The following COMMD10 variants were observed in gnomAD, a reference collection of about 807,000 sequenced individuals.
The protein encoded by COMMD10 is COMM domain-containing protein 10.
Under a neutral mutation model 28.9 loss-of-function variants are expected in COMMD10, and 33 were observed. That is an observed-to-expected ratio of 1.14 (90% CI 0.87 to 1.53). COMMD10 has a LOEUF of 1.53. COMMD10 is among the 40% of genes most tolerant of loss of function. COMMD10 has a pLI of 0.00. For missense variants in COMMD10, 310 were observed against 233.4 expected, an observed-to-expected ratio of 1.33 and a Z score of -2.14; for synonymous variants, 110 against 81.7, an observed-to-expected ratio of 1.35 and a Z score of -1.87.
intron 5 of COMMD10, among the ~76,000 whole-genome samples, chr5:116,182,983 TCTC>T (rs1748021233): frequency 6.6e-6 from 1 of 152,102 alleles, no homozygotes; most frequent in South Asian, 2.1e-4. Context: ...GGTGCCTGCT[TCTC>T]CTTTGCCTTC....
At chr5:116,140,462 C>G (rs1752164359) in intron 5 of COMMD10, among the ~76,000 whole-genome samples, 1 of 151,502 alleles carries the variant, frequency 6.6e-6, no homozygotes, top group African/African-American at 2.4e-5. Context: ...CAGGAGATTC[C>G]TGGTAGTTCT....
chr5:116,250,196 T>C (rs1580582534), intron 5 of COMMD10, among the ~76,000 whole-genome samples: 2 of 151,768 alleles, frequency 1.3e-5, no homozygotes, highest in Admixed American at 6.6e-5. Flanking sequence ...ACATTTTTTA[T>C]CTTTTAGTTT....
Position 116,270,620 on chromosome 5 carries a change from A to G in COMMD10, c.511-20897A>G, listed in dbSNP as rs187624540. Among the ~76,000 whole-genome samples, 893 of 151,938 alleles carry G rather than the reference A, an allele frequency of 5.9e-3. 28 individuals are homozygous for G. Among genetic ancestry groups the G allele is most frequent in the African/African-American group, 0.02 (827 of 41,274 alleles). On this transcript the variant is annotated intron_variant, in intron 5 of 6. Coordinates refer to ENST00000274458, the MANE Select transcript of COMMD10 (RefSeq NM_016144.4). The stretch of plus-strand genomic sequence containing the variant: ...AACAGGGATGCTGCTGCTTTGTATA[A>G]TCATTCCCATTATATAAAGGTTATA...
chr5:116,188,702 T>A (rs1411518007), intron 5 of COMMD10: 3 of 147,884 alleles, frequency 2.0e-5, no homozygotes, highest in Non-Finnish European at 4.4e-5. Flanking sequence ...TGGCACGATC[T>A]TGGCTCAGCT....
intron 5 of COMMD10, among the ~76,000 whole-genome samples, chr5:116,136,630 A>G (rs1000179969): frequency 2.0e-5 from 3 of 150,482 alleles, no homozygotes; most frequent in African/African-American, 5.0e-5. Flanking sequence ...TTCTAGTAAG[A>G]CAGCCATGTT....
intron 5 of COMMD10, among the ~76,000 whole-genome samples, chr5:116,217,545 T>C (rs1489120245): frequency 6.6e-6 from 1 of 152,186 alleles, no homozygotes; most frequent in African/African-American, 2.4e-5. Context: ...CCACTGCTCT[T>C]TTGACAGGTG....
Position 116,293,238 on chromosome 5 carries a change from C to G in COMMD10, c.*749C>G. 1 of 371,560 alleles carries G rather than the reference C, an allele frequency of 2.7e-6. No individual in the cohort carries two copies. Among genetic ancestry groups the G allele is most frequent in the Admixed American group, 4.5e-5 (1 of 22,020 alleles). The allele number at this position is 371,560 out of a possible 1,614,324, so 23.0% of individuals were successfully genotyped here. ...TCGAATCAGATACCTTTTATATTCT[C>G]TTTCCATAAATACGTTGATTTCTGT... On this transcript the variant is annotated 3_prime_UTR_variant, in exon 7 of 7. Transcript: ENST00000274458.
intron 5 of COMMD10, among the ~76,000 whole-genome samples, chr5:116,147,792 TAAAA>T (rs1752395291): frequency 6.6e-6 from 1 of 151,762 alleles, no homozygotes; most frequent in Non-Finnish European, 1.5e-5. Flanking sequence ...TGAGGAAAAA[TAAAA>T]AAATGTAAGA....
rs114770096 is a variant in COMMD10 at position 116,113,540 on chromosome 5, C to A, written c.400-20528C>A. ...GACTGCACTGTTTGAAAAGACCTGT[C>A]TTCATGTTCTGAAATCTTTTCTTCT... On this transcript the variant is annotated intron_variant, in intron 4 of 6. Transcript: ENST00000274458. Among the ~76,000 whole-genome samples, 291 of 151,858 alleles carry A rather than the reference C, an allele frequency of 1.9e-3. 2 individuals carry two copies. The highest frequency in any genetic ancestry group is 6.6e-3 in the African/African-American group (274 of 41,400).
At chr5:116,131,023 A>G (rs1751845925) in intron 4 of COMMD10, among the ~76,000 whole-genome samples, 1 of 152,050 alleles carries the variant, frequency 6.6e-6, no homozygotes, top group African/African-American at 2.4e-5. Flanking sequence ...TGGCAATATT[A>G]CAAATATACA....
chr5:116,239,082 A>G (rs753259850), intron 5 of COMMD10, among the ~76,000 whole-genome samples: 6 of 152,162 alleles, frequency 3.9e-5, no homozygotes, highest in Admixed American at 6.5e-5. Flanking sequence ...TGTCTCTTTA[A>G]TTAAACAGAG....
Position 116,085,041 on chromosome 5 carries a change from A to C in COMMD10, c.-12A>C, listed in dbSNP as rs1459632491. On this transcript the variant is annotated 5_prime_UTR_variant, in exon 1 of 7. Transcript: ENST00000274458. ...GCAGCTAACAGACGGCGGCAGTGCG[A>C]GAAAGCCGAAGATGGCGGTCCCCGC... The C allele has an allele frequency of 6.2e-7, 1 of 1,606,362 alleles. No homozygotes were observed. Among genetic ancestry groups the C allele is most frequent in the Non-Finnish European group, 8.5e-7 (1 of 1,177,898 alleles).
chr5:116,103,865 A>G (rs1750745134), intron 4 of COMMD10, among the ~76,000 whole-genome samples: 1 of 152,182 alleles, frequency 6.6e-6, no homozygotes, highest in Non-Finnish European at 1.5e-5. Context: ...TTTTCCACAC[A>G]GGGCTAGCTA....
chr5:116,098,678 G>A (rs1750545962), intron 4 of COMMD10, among the ~76,000 whole-genome samples: 1 of 152,130 alleles, frequency 6.6e-6, no homozygotes, highest in African/African-American at 2.4e-5. Flanking sequence ...GGTGTCTGTA[G>A]GGGGTCCTGG....
rs746321674 is a variant in COMMD10 at position 116,292,497 on chromosome 5, G to A, written c.*8G>A. On this transcript the variant is annotated 3_prime_UTR_variant, in exon 7 of 7. Coordinates refer to ENST00000274458, the MANE Select transcript of COMMD10 (RefSeq NM_016144.4). Reference sequence around the variant, plus strand: ...CTGGATTCCCTTACATGATGTTTTCGAAGACTGTTTTTTTCATCACGCTCC... The same window carrying A: ...CTGGATTCCCTTACATGATGTTTTCAAAGACTGTTTTTTTCATCACGCTCC... The A allele has an allele frequency of 3.4e-5, 53 of 1,573,488 alleles. No homozygotes were observed. In the Admixed American group the frequency reaches 4.0e-4, roughly 12 times the overall value.
intron 5 of COMMD10, among the ~76,000 whole-genome samples, chr5:116,270,053 A>AT (rs1267080287): frequency 6.6e-6 from 1 of 151,244 alleles, no homozygotes; most frequent in African/African-American, 2.4e-5. Flanking sequence ...CATTTAAAAA[A>AT]ATATTCTTGT....
intron 4 of COMMD10, among the ~76,000 whole-genome samples, chr5:116,100,509 G>T (rs1750624570): frequency 6.8e-6 from 1 of 146,698 alleles, no homozygotes; most frequent in African/African-American, 2.5e-5. Flanking sequence ...TAAGATAAAG[G>T]TCCAGTTCCT....
rs551292140 is a variant in COMMD10 at position 116,234,376 on chromosome 5, G to A, written c.511-57141G>A. ...TTTAAAAACAAAAAAGTAATGAATAGCAATGAAAAGAAAAAAATTTCAATT... is the reference window on the plus strand; with the variant it reads ...TTTAAAAACAAAAAAGTAATGAATAACAATGAAAAGAAAAAAATTTCAATT... On this transcript the variant is annotated intron_variant, in intron 5 of 6. Coordinates refer to ENST00000274458, the MANE Select transcript of COMMD10 (RefSeq NM_016144.4). 7.2e-4 allele frequency among the ~76,000 whole-genome samples: 109 copies of A among 152,004 alleles called. 2 individuals are homozygous for A. Among genetic ancestry groups the A allele is most frequent in the Non-Finnish European group, 1.2e-3 (83 of 67,994 alleles).
intron 5 of COMMD10, among the ~76,000 whole-genome samples, chr5:116,280,525 C>G (rs535285644): frequency 6.6e-6 from 1 of 151,910 alleles, no homozygotes; most frequent in South Asian, 2.1e-4. Flanking sequence ...AAAGAAGGAT[C>G]TTTCTTTGGT....
Sources: allele counts gnomAD v4.1 joint callset (sites outside exome capture counted in the v4.1 genomes callset), GRCh38; gene constraint gnomAD v4.1.1; transcripts MANE v1.5; gene names NCBI Gene and HGNC (gene_info 2026-07-23, HGNC 2026-07-21).